Variants in OR52N2 observed in about 807,000 individuals in gnomAD.
OR52N2 encodes olfactory receptor family 52 subfamily N member 2.
For missense variants in OR52N2, 326 were observed against 196.6 expected (o/e 1.66, Z -3.94); for synonymous variants, 129 against 72.0 (o/e 1.79, Z -4.01).
rs1846452681 is a variant in OR52N2 at position 5,821,315 on chromosome 11, CAT to C, written c.*17_*18del. On this transcript the variant is annotated 3_prime_UTR_variant, in exon 2 of 2. Coordinates refer to ENST00000317037, the MANE Select transcript of OR52N2 (RefSeq NM_001005174.3). ...TATGACAAATGAAACATAGAATAGA[CAT>C]ATTGTTTCAGGTGGTGAGAAAATAA... 1.3e-6 allele frequency: 1 copy of C among 752,126 alleles called. No individual in the cohort carries two copies. Among genetic ancestry groups the C allele is most frequent in the Non-Finnish European group, 2.5e-6 (1 of 406,008 alleles). The allele number at this position is 752,126 out of a possible 1,614,324, so 46.6% of individuals were successfully genotyped here. A position where few individuals can be genotyped will look rare whatever the true frequency, so the allele number is the denominator to read the frequency against.
At position 5,820,583 on chromosome 11, in the gene OR52N2, T is replaced by C. The variant is rs1028451219; in HGVS notation, c.248T>C (p.Met83Thr). Reference protein sequence around the residue: ...VTLCTTMVPNMLCIFWFNLKE... With the variant: ...VTLCTTMVPNTLCIFWFNLKE... The stretch of plus-strand genomic sequence containing the variant: ...TTGTGCACCACCATGGTACCTAATA[T>C]GCTGTGCATATTCTGGTTCAACCTC... Residue 83 changes from methionine to threonine, a missense_variant, in exon 2 of 2, where the codon ATG (methionine) becomes ACG (threonine). Physicochemically the swap from Met to Thr is moderately conservative, Grantham distance 81. Coordinates refer to ENST00000317037, the MANE Select transcript of OR52N2 (RefSeq NM_001005174.3). 1 of 781,414 alleles carries C rather than the reference T, an allele frequency of 1.3e-6. No homozygotes were observed. The highest frequency in any genetic ancestry group is 2.4e-6 in the Non-Finnish European group (1 of 418,588). The allele number at this position is 781,414 out of a possible 1,614,324, so 48.4% of individuals were successfully genotyped here. A position where few individuals can be genotyped will look rare whatever the true frequency, so the allele number is the denominator to read the frequency against.
intron 1 of OR52N2, among the ~76,000 whole-genome samples, chr11:5,816,892 A>C (rs1846409087): frequency 6.6e-6 from 1 of 152,216 alleles, no homozygotes; most frequent in Non-Finnish European, 1.5e-5. Context: ...AGAAGAGTTT[A>C]CACTGAAACT....
intron 1 of OR52N2, among the ~76,000 whole-genome samples, chr11:5,809,490 C>T (rs1023768212): frequency 6.6e-6 from 1 of 152,034 alleles, no homozygotes; most frequent in African/African-American, 2.4e-5. Flanking sequence ...ACTACGGGAA[C>T]AGATGTGAGT....
chr11:5,820,307 T>C lies in OR52N2; in HGVS notation c.-29T>C, dbSNP rs1277094767. 1 of 775,002 alleles carries C rather than the reference T, an allele frequency of 1.3e-6. No individual in the cohort carries two copies. Among genetic ancestry groups the C allele is most frequent in the Non-Finnish European group, 2.4e-6 (1 of 415,740 alleles). 48.0% of individuals were successfully genotyped at this position (775,002 alleles called of 1,614,324 possible). On this transcript the variant is annotated 5_prime_UTR_variant, in exon 2 of 2. Coordinates refer to ENST00000317037, the MANE Select transcript of OR52N2 (RefSeq NM_001005174.3). ...GCAGAAAGCAATGGCTGCTAAAGAG[T>C]ATAAAATGCTCTCCTCCTGTCAGCC...
chr11:5,818,781 T>C (rs1011221728), intron 1 of OR52N2, among the ~76,000 whole-genome samples: 1 of 152,188 alleles, frequency 6.6e-6, no homozygotes, highest in Non-Finnish European at 1.5e-5. Flanking sequence ...GGTGTACACA[T>C]AAAAGATGGT....
intron 1 of OR52N2, among the ~76,000 whole-genome samples, chr11:5,817,062 C>T (rs1369514340): frequency 2.0e-5 from 3 of 152,052 alleles, no homozygotes; most frequent in Admixed American, 6.6e-5. Context: ...TGTAATATTG[C>T]TAATGCTGAA....
At chr11:5,813,980 T>A (rs1846383131) in intron 1 of OR52N2, among the ~76,000 whole-genome samples, 1 of 152,176 alleles carries the variant, frequency 6.6e-6, no homozygotes, top group Admixed American at 6.5e-5. Context: ...CCTTTCATGA[T>A]GAAAACTTTT....
At chr11:5,811,447 TGAGTA>T (rs1846360224) in intron 1 of OR52N2, among the ~76,000 whole-genome samples, 1 of 152,094 alleles carries the variant, frequency 6.6e-6, no homozygotes, top group Non-Finnish European at 1.5e-5. Context: ...CAGGGAGAGT[TGAGTA>T]GAAGTATGGA....
Position 5,817,953 on chromosome 11 carries a change from C to T in OR52N2, c.-54-2329C>T, listed in dbSNP as rs148207769. Among the ~76,000 whole-genome samples the T allele has an allele frequency of 3.6e-3, 543 of 152,174 alleles. 2 individuals are homozygous for T. The highest frequency in any genetic ancestry group is 0.012 in the African/African-American group (511 of 41,530). On this transcript the variant is annotated intron_variant, in intron 1 of 1. Coordinates refer to ENST00000317037, the MANE Select transcript of OR52N2 (RefSeq NM_001005174.3). ...AGCTATTAAACTTTTTAATTCAAAG[C>T]ATATACAATGTCATGATGAAATGTG...
At chr11:5,814,382 A>G (rs1399732248) in intron 1 of OR52N2, among the ~76,000 whole-genome samples, 1 of 152,098 alleles carries the variant, frequency 6.6e-6, no homozygotes, top group Non-Finnish European at 1.5e-5. Context: ...TTTAGAAAAA[A>G]CAATTCACAA....
At chr11:5,816,173 G>C (rs1846402876) in intron 1 of OR52N2, among the ~76,000 whole-genome samples, 1 of 152,114 alleles carries the variant, frequency 6.6e-6, no homozygotes, top group Admixed American at 6.5e-5. Flanking sequence ...GCTGGTGGGA[G>C]GGCAAATGGA....
At chr11:5,813,247 G>A (rs549515872) in intron 1 of OR52N2, among the ~76,000 whole-genome samples, 1 of 151,352 alleles carries the variant, frequency 6.6e-6, no homozygotes, top group East Asian at 1.9e-4. Context: ...TAAAAAAAAA[G>A]TAAAAAGATT....
In OR52N2 at chr11:5,821,270, G is replaced by C. The variant is rs1846452212; in HGVS notation, c.935G>C (p.Gly312Ala). Residue 312 changes from glycine to alanine, a missense_variant, in exon 2 of 2, where the codon GGA (glycine) becomes GCA (alanine). Transcript: ENST00000317037. The stretch of plus-strand genomic sequence containing the variant: ...GAAGGTGTAATTAAATTTTTACTTG[G>C]AGACAAGGTTAGTTTTACCTATGAC... ...IQEGVIKFLL[G>A]DKVSFTYDK 3 of 780,314 alleles carry C rather than the reference G, an allele frequency of 3.8e-6. No homozygotes were observed. Among genetic ancestry groups the C allele is most frequent in the Non-Finnish European group, 7.2e-6 (3 of 417,978 alleles). The allele number at this position is 780,314 out of a possible 1,614,324, so 48.3% of individuals were successfully genotyped here. A position where few individuals can be genotyped will look rare whatever the true frequency, so the allele number is the denominator to read the frequency against.
At position 5,820,269 on chromosome 11, in the gene OR52N2, C is replaced by G. The variant is rs1047650155; in HGVS notation, c.-54-13C>G. On this transcript the variant is annotated splice_polypyrimidine_tract_variant and intron_variant, in intron 1 of 1. Coordinates refer to ENST00000317037, the MANE Select transcript of OR52N2 (RefSeq NM_001005174.3). ...TCTTATCTCGTCTCTAACTCTCCCT[C>G]TCCCTCTCCTAGGCAGAAAGCAATG... is the stretch of plus-strand genomic sequence containing the variant. 2 of 740,694 alleles carry G rather than the reference C, an allele frequency of 2.7e-6. No individual in the cohort carries two copies. The highest frequency in any genetic ancestry group is 5.0e-6 in the Non-Finnish European group (2 of 400,640). The allele number at this position is 740,694 out of a possible 1,614,324, so 45.9% of individuals were successfully genotyped here.
chr11:5,813,450 C>A (rs868792005), intron 1 of OR52N2, among the ~76,000 whole-genome samples: 1 of 151,996 alleles, frequency 6.6e-6, no homozygotes, highest in Non-Finnish European at 1.5e-5. Context: ...ACTGCACTTA[C>A]AACTTACCAA....
intron 1 of OR52N2, among the ~76,000 whole-genome samples, chr11:5,817,284 G>A (rs1453024726): frequency 1.3e-5 from 2 of 151,862 alleles, no homozygotes; most frequent in African/African-American, 4.8e-5. Flanking sequence ...TGTGTTTTGT[G>A]GGGTTTTTTA....
chr11:5,821,458 A>C lies in OR52N2; in HGVS notation c.*157A>C, dbSNP rs1846454511. 1.7e-6 allele frequency: 1 copy of C among 572,984 alleles called. No individual in the cohort carries two copies. Among genetic ancestry groups the C allele is most frequent in the South Asian group, 2.3e-5 (1 of 42,864 alleles). 35.5% of individuals were successfully genotyped at this position (572,984 alleles called of 1,614,324 possible). ...AAAATAAAAATAGAAATAAAAAATC[A>C]AAATAAAGACATAAATTTGTAAGTC... On this transcript the variant is annotated 3_prime_UTR_variant, in exon 2 of 2. Transcript: ENST00000317037.
At chr11:5,811,583 G>C (rs927492021) in intron 1 of OR52N2, among the ~76,000 whole-genome samples, 1 of 151,964 alleles carries the variant, frequency 6.6e-6, no homozygotes, top group Admixed American at 6.6e-5. Flanking sequence ...ACAAAATATA[G>C]AAAGTAAAGA....
At chr11:5,817,049 G>C (rs1299028093) in intron 1 of OR52N2, among the ~76,000 whole-genome samples, 1 of 152,078 alleles carries the variant, frequency 6.6e-6, no homozygotes. Flanking sequence ...TTATACACCT[G>C]TATGTAATAT....
Sources: allele counts gnomAD v4.1 joint callset (sites outside exome capture counted in the v4.1 genomes callset), GRCh38; gene constraint gnomAD v4.1.1; transcripts MANE v1.5; gene names NCBI Gene and HGNC (gene_info 2026-07-23, HGNC 2026-07-21).